VILL: variants seen among roughly 807,000 people sequenced by gnomAD.
VILL encodes the protein villin like.
A neutral mutation model predicts 106.3 loss-of-function variants in VILL; 102 were observed. The ratio of observed to expected loss-of-function variants is 0.96; its 90% CI spans 0.82 to 1.13. VILL has a LOEUF of 1.13. Among genes scored for constraint, VILL ranks in the 50% most tolerant of loss-of-function variants. The probability of loss-of-function intolerance (pLI) is 0.00; values close to 1 mark genes in which losing one functional copy is unlikely to be tolerated. For missense variants in VILL, 1,076 were observed against 1,116.6 expected (o/e 0.96, Z 0.52); for synonymous variants, 431 against 440.3 (o/e 0.98, Z 0.27).
Position 37,997,684 on chromosome 3 carries a change from C to A in VILL, c.763C>A (p.His255Asn), listed in dbSNP as rs762940986. Residue 255 changes from histidine to asparagine, a missense_variant and splice_region_variant, in exon 7 of 20, where the codon CAT (histidine) becomes AAT (asparagine). Coordinates refer to ENST00000383759, the MANE Select transcript of VILL (RefSeq NM_015873.4). This position sits in a 1 kb window ranked among gnomAD's most constrained non-coding sequence, Gnocchi z 4.7. ...GCAGAAGGCCAATGTTCGCCTGTAC[C>A]AGTGAGTACCCCTGGGGTGGGCAGG... ...QLQKANVRLY[H>N]VYEKGKDLVV... 1 of 1,532,710 alleles carries A rather than the reference C, an allele frequency of 6.5e-7. No homozygotes were observed. The highest frequency in any genetic ancestry group is 8.9e-7 in the Non-Finnish European group (1 of 1,126,938). 94.9% of individuals were successfully genotyped at this position (1,532,710 alleles called of 1,614,324 possible).
chr3:37,999,311 C>T, intron 10 of VILL, 28 bp from the exon 11 acceptor site: 3 of 1,480,080 alleles, frequency 2.0e-6, no homozygotes, highest in Non-Finnish European at 2.7e-6. Context: ...GCAGAGGGCG[C>T]CACTGACGCC....
At position 37,998,342 on chromosome 3, in the gene VILL, A is replaced by T; in HGVS notation, c.920A>T (p.Lys307Met). ...QGRMSSLQER[K>M]AAFSRAVGFI... ...CGCATGTCTAGCCTCCAGGAGAGAA[A>T]GGCTGCCTTCAGCCGGGCTGTGGTG... is the stretch of plus-strand genomic sequence containing the variant. The change falls in exon 9 of 20, where the codon AAG becomes ATG. Residue 307 changes from lysine (K) to methionine (M), a missense_variant. Lys to Met is a moderately conservative substitution (Grantham distance 95). Transcript: ENST00000383759. The surrounding 1 kb of genome is among the most constrained non-coding windows in gnomAD (Gnocchi z 4.1). The T allele has an allele frequency of 6.2e-7, 1 of 1,614,160 alleles. No homozygotes were observed. Among genetic ancestry groups the T allele is most frequent in the Non-Finnish European group, 8.5e-7 (1 of 1,180,004 alleles).
chr3:38,002,693 G>A (rs904050492), intron 14 of VILL, 118 bp downstream of exon 14: 15 of 1,206,084 alleles, frequency 1.2e-5, no homozygotes, highest in African/African-American at 3.1e-5. Flanking sequence ...CCGATGGGGG[G>A]AATGGGGAGG....
chr3:37,994,283 C>G lies in VILL; in HGVS notation c.158C>G (p.Thr53Arg), dbSNP rs1286806945. 4 of 1,610,380 alleles carry G rather than the reference C, an allele frequency of 2.5e-6. No homozygotes were observed. The highest frequency in any genetic ancestry group is 2.2e-5 in the East Asian group (1 of 44,856). ...ILHVPQSPKA[T>R]QGASSDLHYW... ...TAGGTCCCCCAGAGCCCGAAGGCCA[C>G]GCAGGGGGCGTCCAGCGACCTGCAC... Residue 53 changes from threonine to arginine, a missense_variant, in exon 4 of 20, where the codon ACG becomes AGG. Transcript: ENST00000383759.
chr3:37,995,639 C>T, intron 4 of VILL, 100 bp from the exon 5 acceptor site: 1 of 942,738 alleles, frequency 1.1e-6, no homozygotes, highest in South Asian at 1.4e-5. Flanking sequence ...GAAGCAGGCA[C>T]ATACGTGCAC....
rs1195858941 is a variant in VILL at position 37,999,141 on chromosome 3, C to A, written c.1081+91C>A. On this transcript the variant is annotated intron_variant, in intron 10 of 19. Coordinates refer to ENST00000383759, the MANE Select transcript of VILL (RefSeq NM_015873.4). ...TCGGCAACTCGTTGGGATGGGTGAG[C>A]GGGCGGGGCGGGGCCGGAGGGGGCG... 6 of 54,692 alleles carry A rather than the reference C, an allele frequency of 1.1e-4. No homozygotes were observed. The African/African-American group carries it at 1.5e-3, about 13-fold the overall frequency. The allele number at this position is 54,692 out of a possible 1,614,324, so 3.4% of individuals were successfully genotyped here.
chr3:37,994,604 A>C, intron 4 of VILL, 138 bp downstream of exon 4: 1 of 882,108 alleles, frequency 1.1e-6, no homozygotes, highest in Non-Finnish European at 1.7e-6. Flanking sequence ...TTGAGATACA[A>C]CTCATACGCC....
chr3:38,003,330 G>A lies in VILL; in HGVS notation c.1805+17G>A, dbSNP rs773764217. 2.4e-5 allele frequency: 39 copies of A among 1,592,376 alleles called. No individual in the cohort carries two copies. The highest frequency in any genetic ancestry group is 3.0e-5 in the Non-Finnish European group (35 of 1,170,952). ...CAACAAGAGGTAACAGGGTTGGGAG[G>A]AGAGTGTTCTTACCCAGAGGAGGAA... On this transcript the variant is annotated intron_variant, in intron 15 of 19. Coordinates refer to ENST00000383759, the MANE Select transcript of VILL (RefSeq NM_015873.4).
At chr3:37,994,073 A>G in intron 3 of VILL, 101 bp downstream of exon 3, 2 of 1,511,838 alleles carry the variant, frequency 1.3e-6, no homozygotes, top group Non-Finnish European at 1.8e-6. Context: ...CGGCAAGTTG[A>G]GAGCCGGAGA....
intron 13 of VILL, 128 bp from the exon 14 acceptor site, chr3:38,002,268 A>G: frequency 1.2e-6 from 1 of 846,918 alleles, no homozygotes. Context: ...TCCTCATGTG[A>G]AATCACCAGT....
At position 37,997,558 on chromosome 3, in the gene VILL, G is replaced by A. The variant is rs756696928; in HGVS notation, c.637G>A (p.Glu213Lys). The part of the protein sequence containing the change: ...GRAQIGVVDD[E>K]AKAPDLMQIM... ...TGCACAGATTGGTGTGGTGGATGATGAGGCCAAAGCCCCGGACCTCATGCA... is the reference window on the plus strand; with the variant it reads ...TGCACAGATTGGTGTGGTGGATGATAAGGCCAAAGCCCCGGACCTCATGCA... Residue 213 changes from glutamate to lysine, a missense_variant, in exon 7 of 20, where the codon GAG becomes AAG. Transcript: ENST00000383759. This position sits in a 1 kb window ranked among gnomAD's most constrained non-coding sequence, Gnocchi z 4.7. 1.2e-6 allele frequency: 2 copies of A among 1,614,164 alleles called. No homozygotes were observed. The highest frequency in any genetic ancestry group is 2.2e-5 in the South Asian group (2 of 91,086).
At chr3:38,001,921 C>T (rs1324884044) in intron 13 of VILL, 61 bp downstream of exon 13, 18 of 1,608,018 alleles carry the variant, frequency 1.1e-5, no homozygotes, top group East Asian at 4.5e-5. Flanking sequence ...CCATGGCCCC[C>T]GCACACACTT....
In VILL at chr3:38,002,419, G is replaced by A; in HGVS notation, c.1503G>A (p.Lys501=). ...AGGAGAGAGCTGGGCACCATGGAAA[G>A]GGGCAGTCAGCATCCACCACAAGGC... The part of the protein sequence containing the change: ...IFQERAGHHG[K]GQSASTTRLF... Residue 501 remains lysine (K), a synonymous_variant, in exon 14 of 20, where the codon AAG becomes AAA. Coordinates refer to ENST00000383759, the MANE Select transcript of VILL (RefSeq NM_015873.4). The A allele has an allele frequency of 6.2e-7, 1 of 1,613,282 alleles. No individual in the cohort carries two copies. Among genetic ancestry groups the A allele is most frequent in the Middle Eastern group, 1.7e-4 (1 of 6,056 alleles).
chr3:38,005,024 G>C (rs1699889200), intron 16 of VILL, among the ~76,000 whole-genome samples: 1 of 152,216 alleles, frequency 6.6e-6, no homozygotes, highest in African/African-American at 2.4e-5. Flanking sequence ...TTTGCATGCA[G>C]CTCTGTGTCT....
At chr3:37,999,468 G>T in intron 11 of VILL, 29 bp downstream of exon 11, 1 of 1,447,276 alleles carries the variant, frequency 6.9e-7, no homozygotes, top group Non-Finnish European at 9.1e-7. Context: ...GCTGGGGGAA[G>T]ATGGGCACAC....
At chr3:38,002,205 C>T in intron 13 of VILL, 191 bp from the exon 14 acceptor site, 1 of 643,856 alleles carries the variant, frequency 1.6e-6, no homozygotes. Flanking sequence ...AAGGGTCTGT[C>T]CCTGTCCCAG....
chr3:38,001,007 C>T (rs1428976835), intron 11 of VILL: 7 of 460,052 alleles, frequency 1.5e-5, no homozygotes, highest in Non-Finnish European at 2.6e-5. Flanking sequence ...AGATGTGAGA[C>T]AGTGTTTCCC....
Position 38,006,661 on chromosome 3 carries a change from T to C in VILL, c.2418T>C (p.Val806=). ...LRREQLMHQA[V]EDLPEGVDPA... is the part of the protein sequence containing the mutation. Reference sequence around the variant, plus strand: ...GGGAACAACTGATGCACCAGGCTGTTGAGGACCTGCCAGAGGGCGTGGACC... The same window carrying C: ...GGGAACAACTGATGCACCAGGCTGTCGAGGACCTGCCAGAGGGCGTGGACC... The change falls in exon 19 of 20, where the codon GTT becomes GTC. Residue 806 remains valine, a synonymous_variant. Coordinates refer to ENST00000383759, the MANE Select transcript of VILL (RefSeq NM_015873.4). 1 of 1,613,080 alleles carries C rather than the reference T, an allele frequency of 6.2e-7. No individual in the cohort carries two copies. Among genetic ancestry groups the C allele is most frequent in the South Asian group, 1.1e-5 (1 of 90,996 alleles).
At chr3:37,989,367 A>C (rs903115776), upstream of VILL, among the ~76,000 whole-genome samples, 1 of 152,226 alleles carries the variant, frequency 6.6e-6, no homozygotes, top group African/African-American at 2.4e-5. Context: ...TGGCGTTTCC[A>C]TGCTATTTGC....
Sources: allele counts gnomAD v4.1 joint callset (sites outside exome capture counted in the v4.1 genomes callset), GRCh38; gene constraint gnomAD v4.1.1; non-coding constraint Gnocchi (gnomAD v3.1); transcripts MANE v1.5; gene names NCBI Gene and HGNC (gene_info 2026-07-23, HGNC 2026-07-21).